Variants in AFAP1 observed in about 807,000 individuals in gnomAD.
AFAP1 encodes actin filament associated protein 1.
Under a neutral mutation model 93.9 loss-of-function variants are expected in AFAP1, and 75 were observed. The ratio of observed to expected loss-of-function variants is 0.80; its 90% confidence interval spans 0.66 to 0.97. AFAP1 has a LOEUF of 0.97. Among genes scored for constraint, AFAP1 ranks in the 50% least tolerant of loss-of-function variants. The pLI is 0.00. For missense variants in AFAP1, 1,201 were observed against 1,050.8 expected, an observed-to-expected ratio of 1.14 and a Z score of -1.98; for synonymous variants, 517 against 430.7, an observed-to-expected ratio of 1.20 and a Z score of -2.48.
rs926805312 is a variant in AFAP1, at chr4:7,866,740, A to T, written c.225+1882T>A. On this transcript the variant is annotated intron_variant, in intron 3 of 17. Coordinates refer to ENST00000420658, the MANE Select transcript of AFAP1 (RefSeq NM_001134647.2). ...TGGACTTTAATATCACATTATATCTAAAAACAGCAAATGAGGCCAGGTGGG... is the reference window on the plus strand; with the variant it reads ...TGGACTTTAATATCACATTATATCTTAAAACAGCAAATGAGGCCAGGTGGG... Among the ~76,000 whole-genome samples, 3 of 152,108 alleles carry T rather than the reference A, an allele frequency of 2.0e-5. No individual in the cohort carries two copies. The South Asian group carries it at 6.2e-4, about 32-fold the overall frequency.
In AFAP1 at chr4:7,763,609, G is replaced by A; in HGVS notation, c.*156C>T. ...TTTTACAGTAGAAAGAATACAAGTG[G>A]GCCTGGGGGACAGGCACTGGCCTCA... is the stretch of plus-strand genomic sequence containing the variant. On this transcript the variant is annotated 3_prime_UTR_variant, in exon 18 of 18. Transcript: ENST00000420658. 1 of 722,404 alleles carries A rather than the reference G, an allele frequency of 1.4e-6. No individual in the cohort carries two copies. Among genetic ancestry groups the A allele is most frequent in the South Asian group, 2.3e-5 (1 of 44,276 alleles). 44.7% of individuals were successfully genotyped at this position (722,404 alleles called of 1,614,324 possible).
At chr4:7,849,895 CT>C (rs1014044781) in intron 4 of AFAP1, among the ~76,000 whole-genome samples, 16 of 152,142 alleles carry the variant, frequency 1.1e-4, no homozygotes, top group African/African-American at 3.4e-4. Flanking sequence ...GACTCTCCTT[CT>C]GCATCACAGA....
intron 17 of AFAP1, among the ~76,000 whole-genome samples, chr4:7,764,098 C>A (rs1714204566): frequency 6.6e-6 from 1 of 152,262 alleles, no homozygotes; most frequent in South Asian, 2.1e-4. Flanking sequence ...ACAGACAACA[C>A]CACGTATTCG....
chr4:7,877,838 A>G (rs1046953166), intron 1 of AFAP1, among the ~76,000 whole-genome samples: 7 of 152,342 alleles, frequency 4.6e-5, no homozygotes, highest in African/African-American at 1.4e-4. Flanking sequence ...AGAAATGTCA[A>G]CATAGACTAC....
chr4:7,935,031 A>G (rs1165122192), intron 1 of AFAP1, among the ~76,000 whole-genome samples: 1 of 152,208 alleles, frequency 6.6e-6, no homozygotes, highest in Non-Finnish European at 1.5e-5. Context: ...AATACTGGCC[A>G]ATTAAAGATA....
intron 17 of AFAP1, among the ~76,000 whole-genome samples, chr4:7,766,538 G>C (rs1031667582): frequency 8.3e-6 from 1 of 119,862 alleles, no homozygotes; most frequent in African/African-American, 3.2e-5. Context: ...GCAGGAAACA[G>C]AATCTCCAGG....
intron 1 of AFAP1, among the ~76,000 whole-genome samples, chr4:7,905,286 G>C (rs17832709): frequency 0.31 from 46,795 of 152,198 alleles, 8,985 homozygotes; most frequent in Non-Finnish European, 0.44. Context: ...CCATGATTCT[G>C]AGGCAGCGTG....
chr4:7,788,603 A>G (rs1717536150), intron 11 of AFAP1: 1 of 152,280 alleles, frequency 6.6e-6, no homozygotes, highest in Admixed American at 6.5e-5. Context: ...TACAAGAAGG[A>G]AAGGCACAGC....
intron 1 of AFAP1, among the ~76,000 whole-genome samples, chr4:7,882,596 C>T (rs1012273846): frequency 6.6e-6 from 1 of 152,186 alleles, no homozygotes; most frequent in Non-Finnish European, 1.5e-5. Flanking sequence ...TGCGGTGGCT[C>T]ACACCTGTCA....
rs982433240 is a variant in AFAP1 at position 7,759,242 on chromosome 4, T to G, written c.*4523A>C. On this transcript the variant is annotated 3_prime_UTR_variant, in exon 18 of 18. Transcript: ENST00000420658. Reference sequence around the variant, plus strand: ...TCCTAAGACTTATGATCTGAAGATGTCCTTTTGAAAGTATCTTCCATGGCT... The same window carrying G: ...TCCTAAGACTTATGATCTGAAGATGGCCTTTTGAAAGTATCTTCCATGGCT... 1.3e-5 allele frequency: 2 copies of G among 152,684 alleles called. No homozygotes were observed. Among genetic ancestry groups the G allele is most frequent in the East Asian group, 3.8e-4 (2 of 5,204 alleles). 9.5% of individuals were successfully genotyped at this position (152,684 alleles called of 1,614,324 possible). A position where few individuals can be genotyped will look rare whatever the true frequency, so the allele number is the denominator to read the frequency against.
In AFAP1 at chr4:7,778,870, C is replaced by A. The variant is rs1423361707; in HGVS notation, c.1789G>T (p.Gly597Cys). ...TTAGACGCCACGGGGGGCTTTTTAC[C>A]CTTGAGCTGTTGAAATAAACATATA... ...ASLGLNSQLK[G>C]KKPPVASNGV... The change falls in exon 14 of 18, where the codon GGT (glycine) becomes TGT (cysteine). Residue 597 changes from glycine (G) to cysteine (C), a missense_variant. Gly to Cys is a radical substitution (Grantham distance 159). Transcript: ENST00000420658. The A allele has an allele frequency of 6.2e-7, 1 of 1,606,716 alleles. No individual in the cohort carries two copies. Among genetic ancestry groups the A allele is most frequent in the East Asian group, 2.2e-5 (1 of 44,860 alleles).
At position 7,761,269 on chromosome 4, in the gene AFAP1, G is replaced by C. The variant is rs1713750621; in HGVS notation, c.*2496C>G. ...CCGCCATGGAAGGAACCCACTGTCA[G>C]GCCCCTCCAGGGCACCCATTTTGAA... On this transcript the variant is annotated 3_prime_UTR_variant, in exon 18 of 18. Transcript: ENST00000420658. The C allele has an allele frequency of 6.6e-6, 1 of 152,260 alleles. No homozygotes were observed. The highest frequency in any genetic ancestry group is 6.5e-5 in the Admixed American group (1 of 15,284). 9.4% of individuals were successfully genotyped at this position (152,260 alleles called of 1,614,324 possible). A position where few individuals can be genotyped will look rare whatever the true frequency, so the allele number is the denominator to read the frequency against.
intron 1 of AFAP1, among the ~76,000 whole-genome samples, chr4:7,903,484 A>T (rs1315815430): frequency 2.6e-5 from 4 of 152,202 alleles, no homozygotes; most frequent in Non-Finnish European, 4.4e-5. Flanking sequence ...GTTCAAGATC[A>T]GCCGACCAAC....
intron 1 of AFAP1, among the ~76,000 whole-genome samples, chr4:7,900,696 C>A (rs1383419924): frequency 6.6e-6 from 1 of 152,206 alleles, no homozygotes; most frequent in African/African-American, 2.4e-5. Context: ...ACTATAAGCA[C>A]AACTTTGAAA....
rs144390022 is a variant in AFAP1 at position 7,847,466 on chromosome 4, G to A, written c.335-4116C>T. ...AATGACCCAATCAAGAGAACTCTCC[G>A]GAAAGTATGCTTAGCGATGACCCAA... On this transcript the variant is annotated intron_variant, in intron 4 of 17. Coordinates refer to ENST00000420658, the MANE Select transcript of AFAP1 (RefSeq NM_001134647.2). 9.6e-3 allele frequency among the ~76,000 whole-genome samples: 1,445 copies of A among 150,376 alleles called. 30 individuals carry two copies. The highest frequency in any genetic ancestry group is 0.03 in the African/African-American group (1,244 of 41,094).
chr4:7,911,646 C>T (rs1256866008), intron 1 of AFAP1, among the ~76,000 whole-genome samples: 1 of 152,196 alleles, frequency 6.6e-6, no homozygotes, highest in African/African-American at 2.4e-5. Context: ...GAAACCAAAA[C>T]TTTCCCAAGA....
chr4:7,928,535 G>A (rs9994626), intron 1 of AFAP1, among the ~76,000 whole-genome samples: 46,411 of 151,706 alleles, frequency 0.31, 8,413 homozygotes, highest in Non-Finnish European at 0.42. Context: ...CTACAGGCAC[G>A]CACCACCACA....
In AFAP1 at chr4:7,927,002, C is replaced by T. The variant is rs373971024; in HGVS notation, c.-3+12654G>A. On this transcript the variant is annotated intron_variant, in intron 1 of 17. Transcript: ENST00000420658. ...CCACCTGCCTCGGCCTCCCAAAGTG[C>T]TGAGTCAGCTCAGGCATCCTGACCT... Among the ~76,000 whole-genome samples, 12 of 152,240 alleles carry T rather than the reference C, an allele frequency of 7.9e-5. No homozygotes were observed. In the East Asian group the frequency reaches 1.2e-3, roughly 15 times the overall value.
At chr4:7,921,852 G>A (rs1177969784) in intron 1 of AFAP1, among the ~76,000 whole-genome samples, 2 of 152,348 alleles carry the variant, frequency 1.3e-5, no homozygotes, top group Admixed American at 6.5e-5. Flanking sequence ...TAGGCCGGGC[G>A]CGGTGGCTCA....
Sources: allele counts gnomAD v4.1 joint callset (sites outside exome capture counted in the v4.1 genomes callset), GRCh38; gene constraint gnomAD v4.1.1; transcripts MANE v1.5; gene names NCBI Gene and HGNC (gene_info 2026-07-23, HGNC 2026-07-21).